The following CADM2 variants were observed in gnomAD, a reference collection of about 807,000 sequenced individuals.
CADM2 encodes the protein immunoglobulin superfamily member 4D.
In CADM2, 12 loss-of-function variants were observed where a neutral mutation model predicts 49.8. The observed-to-expected ratio is 0.24, with a 90% CI of 0.15 to 0.39. The LOEUF is 0.39. CADM2 is among the 10% of genes least tolerant of loss of function. CADM2 has a pLI of 1.00. For synonymous variants in CADM2, 214 were observed against 175.4 expected (o/e 1.22, Z -1.74); for missense variants, 378 against 492.3 (o/e 0.77, Z 2.20).
At chr3:84,960,285 G>GA in intron 1 of CADM2, 1 of 151,646 alleles carries the variant, frequency 6.6e-6, no homozygotes, top group South Asian at 2.1e-4. Context: ...GGAAGAGAGA[G>GA]GGGACTCTGT....
intron 1 of CADM2, among the ~76,000 whole-genome samples, chr3:85,452,000 T>C (rs1484590688): frequency 1.3e-5 from 2 of 152,148 alleles, no homozygotes; most frequent in Admixed American, 1.3e-4. Flanking sequence ...GACTTTGGCT[T>C]TAAATTAGAG....
rs1194010030 is a variant in CADM2 at position 86,067,207 on chromosome 3, CAT to C, written c.*426_*427del. Reference sequence around the variant, plus strand: ...CACAAGTAACAGGATTAGGGAAGGACATAATGTATTTAAGAATAAGTGAAGGT... The same window carrying C: ...CACAAGTAACAGGATTAGGGAAGGACAATGTATTTAAGAATAAGTGAAGGT... On this transcript the variant is annotated 3_prime_UTR_variant, in exon 10 of 10. Transcript: ENST00000383699. 1.3e-5 allele frequency: 2 copies of C among 155,588 alleles called. No homozygotes were observed. The highest frequency in any genetic ancestry group is 1.4e-5 in the Non-Finnish European group (1 of 70,224). The allele number at this position is 155,588 out of a possible 1,614,324, so 9.6% of individuals were successfully genotyped here.
At chr3:85,030,045 C>T (rs1229323964) in intron 1 of CADM2, among the ~76,000 whole-genome samples, 1 of 152,194 alleles carries the variant, frequency 6.6e-6, no homozygotes, top group Non-Finnish European at 1.5e-5. Flanking sequence ...CTCACTTCCT[C>T]TGCTCCAGTC....
chr3:85,781,786 T>C (rs1012167464), intron 2 of CADM2, among the ~76,000 whole-genome samples: 2 of 152,224 alleles, frequency 1.3e-5, no homozygotes, highest in African/African-American at 4.8e-5. Context: ...ACTTTCTATT[T>C]TCTTTCACAA....
intron 1 of CADM2, among the ~76,000 whole-genome samples, chr3:85,472,158 C>T (rs1210632480): frequency 1.3e-5 from 2 of 151,854 alleles, no homozygotes; most frequent in East Asian, 3.8e-4. Context: ...ACACCATAGC[C>T]TTCTGCTACT....
At chr3:85,736,426 A>T (rs1458957772) in intron 2 of CADM2, among the ~76,000 whole-genome samples, 3 of 152,208 alleles carry the variant, frequency 2.0e-5, no homozygotes, top group Non-Finnish European at 4.4e-5. Flanking sequence ...AGAGAAAATG[A>T]TGGTCAGAAA....
rs1559738022 is a variant in CADM2 at position 85,912,552 on chromosome 3, A to G, written c.700+9A>G. On this transcript the variant is annotated intron_variant, in intron 6 of 9. Transcript: ENST00000383699. ...GGTGCTAGAAATACACTGTAAGTAA[A>G]CACTACTTCCCCCTCCTTTATCTCA... 6.2e-7 allele frequency: 1 copy of G among 1,609,814 alleles called. No homozygotes were observed. The highest frequency in any genetic ancestry group is 2.2e-5 in the East Asian group (1 of 44,754).
At chr3:85,763,505 C>T (rs2069499639) in intron 2 of CADM2, among the ~76,000 whole-genome samples, 1 of 152,114 alleles carries the variant, frequency 6.6e-6, no homozygotes, top group Non-Finnish European at 1.5e-5. Context: ...TGATTTATTG[C>T]CACCTTAACA....
intron 8 of CADM2, among the ~76,000 whole-genome samples, chr3:86,008,172 A>G (rs911819214): frequency 6.6e-6 from 1 of 152,146 alleles, no homozygotes; most frequent in Non-Finnish European, 1.5e-5. Context: ...AGTATTGCAA[A>G]ATGTAAAACT....
intron 1 of CADM2, among the ~76,000 whole-genome samples, chr3:85,208,308 T>G (rs566242507): frequency 3.9e-5 from 6 of 152,244 alleles, no homozygotes; most frequent in African/African-American, 1.4e-4. Context: ...AACGTTTTAA[T>G]AAAAGTACAA....
intron 8 of CADM2, among the ~76,000 whole-genome samples, chr3:85,990,216 A>G (rs1426110782): frequency 6.6e-6 from 1 of 152,032 alleles, no homozygotes; most frequent in African/African-American, 2.4e-5. Flanking sequence ...TTGAGTACCA[A>G]TACAACCATT....
intron 8 of CADM2, among the ~76,000 whole-genome samples, chr3:85,999,265 GA>G (rs1432963149): frequency 0.013 from 1,868 of 140,976 alleles, 33 homozygotes; most frequent in Non-Finnish European, 0.021. Context: ...TTGGGAGGCC[GA>G]GGGTTGGGGG....
intron 1 of CADM2, among the ~76,000 whole-genome samples, chr3:85,388,856 T>C (rs1288806174): frequency 6.6e-6 from 1 of 152,076 alleles, no homozygotes; most frequent in Non-Finnish European, 1.5e-5. Flanking sequence ...ATTTTTCCCC[T>C]GTACACATTA....
intron 1 of CADM2, among the ~76,000 whole-genome samples, chr3:85,110,808 AG>A (rs2038427107): frequency 6.6e-6 from 1 of 151,802 alleles, no homozygotes; most frequent in African/African-American, 2.4e-5. Flanking sequence ...CAAAGAAGGA[AG>A]GCCGAGGAAG....
intron 8 of CADM2, among the ~76,000 whole-genome samples, chr3:85,977,605 C>G (rs1439047562): frequency 6.6e-6 from 1 of 151,460 alleles, no homozygotes; most frequent in African/African-American, 2.4e-5. Context: ...AGAAATCTTA[C>G]CTTGAAATAA....
At chr3:85,262,559 G>C (rs944814379) in intron 1 of CADM2, among the ~76,000 whole-genome samples, 11 of 152,038 alleles carry the variant, frequency 7.2e-5, no homozygotes, top group Admixed American at 5.9e-4. Flanking sequence ...AGTACACAAA[G>C]TGTTTTTGTA....
At chr3:85,526,215 C>T (rs1470635) in intron 1 of CADM2, among the ~76,000 whole-genome samples, 78,215 of 151,882 alleles carry the variant, frequency 0.51, 23,111 homozygotes, top group East Asian at 0.85. Context: ...TATTTCCTTA[C>T]AACAAGTGTT....
chr3:85,704,226 C>A (rs918870497), intron 1 of CADM2, among the ~76,000 whole-genome samples: 15 of 152,072 alleles, frequency 9.9e-5, no homozygotes, highest in African/African-American at 3.4e-4. Context: ...GTTATGGGTC[C>A]CCAACAGAGA....
chr3:85,981,346 A>AT (rs1727463832), intron 8 of CADM2, among the ~76,000 whole-genome samples: 1 of 151,240 alleles, frequency 6.6e-6, no homozygotes, highest in Non-Finnish European at 1.5e-5. Context: ...GGTCTATTGC[A>AT]TTTTTTTTCC....
Sources: gnomAD v4.1 joint callset for allele counts (sites outside exome capture counted in the v4.1 genomes callset) on GRCh38, gnomAD v4.1.1 for gene constraint, MANE v1.5 for transcripts, NCBI Gene and HGNC (gene_info 2026-07-23, HGNC 2026-07-21) for gene names.